The following EMB variants were observed in gnomAD, a reference collection of about 807,000 sequenced individuals.
EMB encodes the protein embigin homolog.
In EMB, 31 loss-of-function variants were observed where a neutral mutation model predicts 41.4. The observed-to-expected ratio is 0.75, with a 90% CI of 0.56 to 1.01. The LOEUF (loss-of-function observed/expected upper bound fraction) is 1.01, where lower values mean the gene tolerates loss of function less well. Ranked by LOEUF, EMB falls within the 50% of genes least tolerant of loss-of-function variation. The probability of loss-of-function intolerance (pLI) is 0.00; values close to 1 mark genes in which losing one functional copy is unlikely to be tolerated. For synonymous variants in EMB, 137 were observed against 140.4 expected (o/e 0.98, Z 0.17); for missense variants, 379 against 388.3 (o/e 0.98, Z 0.20).
intron 1 of EMB, among the ~76,000 whole-genome samples, chr5:50,429,818 C>G (rs1745683052): frequency 6.6e-6 from 1 of 152,066 alleles, no homozygotes; most frequent in Non-Finnish European, 1.5e-5. Flanking sequence ...CCAGTCACAT[C>G]TAGTATTCAT....
chr5:50,428,674 G>A, intron 1 of EMB: 5 of 985,352 alleles, frequency 5.1e-6, no homozygotes, highest in South Asian at 9.4e-5. Flanking sequence ...GGGCACCAGG[G>A]AACAGAGAAG....
upstream of EMB, among the ~76,000 whole-genome samples, chr5:50,442,360 C>A: frequency 6.6e-6 from 1 of 152,154 alleles, no homozygotes; most frequent in East Asian, 1.9e-4. Context: ...ATGCACAAAA[C>A]TTTGGAAACA....
chr5:50,399,751 T>C (rs906827425), intron 8 of EMB, 108 bp downstream of exon 8: 2 of 836,394 alleles, frequency 2.4e-6, no homozygotes, highest in African/African-American at 3.5e-5. Flanking sequence ...GAGCACATCA[T>C]AAATGACCAG....
At chr5:50,435,686 A>C (rs926517446) in intron 1 of EMB, among the ~76,000 whole-genome samples, 2 of 151,918 alleles carry the variant, frequency 1.3e-5, no homozygotes, top group African/African-American at 4.8e-5. Flanking sequence ...CTATAAAGTT[A>C]CTCTTTTTCC....
At chr5:50,424,656 G>A (rs891622077) in intron 2 of EMB, among the ~76,000 whole-genome samples, 2 of 152,074 alleles carry the variant, frequency 1.3e-5, no homozygotes, top group Admixed American at 6.6e-5. Flanking sequence ...TAGAACAGTG[G>A]GGATAATTTT....
At position 50,399,842 on chromosome 5, in the gene EMB, A is replaced by G. The variant is rs1192915782; in HGVS notation, c.966+17T>C. ...AATTTGACCTTTTATTTGGAATATC[A>G]TTCAGAAGTAACTTACATTTTTTCT... On this transcript the variant is annotated intron_variant, in intron 8 of 8. Transcript: ENST00000303221. 5.1e-6 allele frequency: 8 copies of G among 1,578,094 alleles called. No individual in the cohort carries two copies. The Admixed American group carries it at 5.2e-5, about 10-fold the overall frequency.
chr5:50,439,053 A>G (rs1358176894), intron 1 of EMB, among the ~76,000 whole-genome samples: 2 of 151,956 alleles, frequency 1.3e-5, no homozygotes, highest in South Asian at 2.1e-4. Flanking sequence ...ATTTAAAGCT[A>G]CATGGAGAGC....
chr5:50,432,048 T>C (rs1444688172), intron 1 of EMB, among the ~76,000 whole-genome samples: 1 of 152,244 alleles, frequency 6.6e-6, no homozygotes, highest in Non-Finnish European at 1.5e-5. Flanking sequence ...GGTATTAAGG[T>C]AACATTTTCA....
At chr5:50,440,705 G>T (rs573087552) in intron 1 of EMB, among the ~76,000 whole-genome samples, 3 of 152,166 alleles carry the variant, frequency 2.0e-5, no homozygotes, top group East Asian at 3.9e-4. Context: ...TCGCTAGCTG[G>T]TCCCTGCAAC....
intron 4 of EMB, among the ~76,000 whole-genome samples, chr5:50,406,615 T>A (rs1164525436): frequency 1.3e-5 from 2 of 151,970 alleles, no homozygotes; most frequent in Admixed American, 1.3e-4. Flanking sequence ...TGCAATCAGT[T>A]CCTTCTGATT....
chr5:50,431,738 T>C (rs1049206655), intron 1 of EMB, among the ~76,000 whole-genome samples: 1 of 152,210 alleles, frequency 6.6e-6, no homozygotes, highest in Non-Finnish European at 1.5e-5. Context: ...AATTTCCATA[T>C]AGCATTCTTT....
chr5:50,431,865 A>C (rs1745725974), intron 1 of EMB, among the ~76,000 whole-genome samples: 1 of 152,230 alleles, frequency 6.6e-6, no homozygotes, highest in African/African-American at 2.4e-5. Context: ...ACTGCATCAA[A>C]GAAGTGAGTA....
chr5:50,423,466 GT>G, intron 2 of EMB, among the ~76,000 whole-genome samples: 1 of 152,104 alleles, frequency 6.6e-6, no homozygotes. Context: ...TCATTCTCAT[GT>G]TTTTGATATT....
chr5:50,402,790 T>C (rs1745185075), intron 6 of EMB, among the ~76,000 whole-genome samples: 1 of 144,722 alleles, frequency 6.9e-6, no homozygotes, highest in Non-Finnish European at 1.5e-5. Context: ...TCTTTTAGAC[T>C]TTTTATATTA....
chr5:50,434,568 A>C (rs1166462652), intron 1 of EMB, among the ~76,000 whole-genome samples: 1 of 152,196 alleles, frequency 6.6e-6, no homozygotes, highest in African/African-American at 2.4e-5. Flanking sequence ...CTAAGTTACA[A>C]AAGCACTTTG....
intron 1 of EMB, among the ~76,000 whole-genome samples, chr5:50,431,238 A>G (rs2111855852): frequency 6.6e-6 from 1 of 152,340 alleles, no homozygotes; most frequent in East Asian, 1.9e-4. Flanking sequence ...CAATATACAG[A>G]AATGCCTTAA....
intron 2 of EMB, among the ~76,000 whole-genome samples, chr5:50,415,947 C>T (rs1429176826): frequency 6.6e-6 from 1 of 152,158 alleles, no homozygotes; most frequent in East Asian, 1.9e-4. Flanking sequence ...TTCAACTAAA[C>T]ATAGTTTTAC....
At position 50,441,091 on chromosome 5, in the gene EMB, G is replaced by C; in HGVS notation, c.61C>G (p.Gln21Glu). 2 of 1,520,640 alleles carry C rather than the reference G, an allele frequency of 1.3e-6. No homozygotes were observed. The highest frequency in any genetic ancestry group is 1.8e-6 in the Non-Finnish European group (2 of 1,137,318). The allele number at this position is 1,520,640 out of a possible 1,614,324, so 94.2% of individuals were successfully genotyped here. The change falls in exon 1 of 9, where the codon CAG becomes GAG. Residue 21 changes from glutamine to glutamate, a missense_variant. Transcript: ENST00000303221. ...GGGCGCGCGGCAGCGAGAAGGCACT[G>C]GAGGAGGAGCAGCCGGGGCGTACGC... ...RARTPRLLLL[Q>E]CLLAAARPSS...
At chr5:50,428,777 C>T (rs1745665450) in intron 1 of EMB, 2 of 981,358 alleles carry the variant, frequency 2.0e-6, no homozygotes, top group Admixed American at 6.2e-5. Flanking sequence ...TTTCAGTTTC[C>T]TCTGCCTCTG....
Sources: gnomAD v4.1 joint callset for allele counts (sites outside exome capture counted in the v4.1 genomes callset) on GRCh38, gnomAD v4.1.1 for gene constraint, MANE v1.5 for transcripts, NCBI Gene and HGNC (gene_info 2026-07-23, HGNC 2026-07-21) for gene names.